Variants in PDZRN4 observed in about 807,000 individuals in gnomAD.
PDZRN4 encodes PDZ domain containing ring finger 4.
Under a neutral mutation model 99.0 loss-of-function variants are expected in PDZRN4, and 70 were observed. The ratio of observed to expected loss-of-function variants is 0.71; its 90% CI spans 0.58 to 0.86. The LOEUF (loss-of-function observed/expected upper bound fraction) is 0.86, where lower values mean the gene tolerates loss of function less well. Among genes scored for constraint, PDZRN4 ranks in the 40% least tolerant of loss-of-function variants. The pLI is 0.00. For missense variants in PDZRN4, 1,474 were observed against 1,331.2 expected (o/e 1.11, Z -1.67); for synonymous variants, 551 against 501.6 (o/e 1.10, Z -1.32).
intron 3 of PDZRN4, among the ~76,000 whole-genome samples, chr12:41,404,827 TACGCTTACA>T (rs1952332636): frequency 6.7e-6 from 1 of 149,192 alleles, no homozygotes; most frequent in Non-Finnish European, 1.5e-5. Context: ...AATGAAGTCA[TACGCTTACA>T]TCTAATCTTC....
intron 4 of PDZRN4, chr12:41,509,578 C>G (rs1938270309): frequency 6.5e-6 from 2 of 307,962 alleles, no homozygotes; most frequent in Admixed American, 9.6e-5. Context: ...GAATACAACT[C>G]TGACCATAGG....
intron 3 of PDZRN4, among the ~76,000 whole-genome samples, chr12:41,301,287 T>C (rs1951533985): frequency 6.6e-6 from 1 of 152,076 alleles, no homozygotes; most frequent in Admixed American, 6.6e-5. Flanking sequence ...GGATTTCTAG[T>C]GTTTTACATT....
chr12:41,191,949 A>AT (rs1290456848), intron 2 of PDZRN4, among the ~76,000 whole-genome samples: 1 of 151,002 alleles, frequency 6.6e-6, no homozygotes. Context: ...CACCCGGCTA[A>AT]TTTTTTGTAT....
At chr12:41,391,660 A>T (rs374598595) in intron 3 of PDZRN4, among the ~76,000 whole-genome samples, 3 of 152,220 alleles carry the variant, frequency 2.0e-5, no homozygotes, top group South Asian at 2.1e-4. Flanking sequence ...AATATGAGGG[A>T]AAATGGAGTC....
rs1378207692 is a variant in PDZRN4, at chr12:41,574,655, A to G, written c.*765A>G. ...AGTTATAAAGTAGTTATATGTGTAT[A>G]CTATTTAGAAGACGCCTAATTGTGG... On this transcript the variant is annotated 3_prime_UTR_variant, in exon 10 of 10. Coordinates refer to ENST00000402685, the MANE Select transcript of PDZRN4 (RefSeq NM_001164595.2). The G allele has an allele frequency of 6.6e-6, 1 of 152,444 alleles. No individual in the cohort carries two copies. The highest frequency in any genetic ancestry group is 2.4e-5 in the African/African-American group (1 of 41,472). 9.4% of individuals were successfully genotyped at this position (152,444 alleles called of 1,614,324 possible).
At chr12:41,351,822 A>G (rs992705039) in intron 3 of PDZRN4, among the ~76,000 whole-genome samples, 5 of 151,972 alleles carry the variant, frequency 3.3e-5, no homozygotes, top group Non-Finnish European at 5.9e-5. Flanking sequence ...AAACAGGTGT[A>G]TTGAAGTAGG....
rs1217276164 is a variant in PDZRN4 at position 41,194,180 on chromosome 12, A to G, written c.835A>G (p.Ile279Val). ...AGATGGCCTGGAGATTCATGACAAA[A>G]TCATGGAGGTAAGACAATGATAAAA... ...RADGLEIHDK[I>V]MEVNGKDLSK... Residue 279 changes from isoleucine to valine, a missense_variant, in exon 3 of 10, where the codon ATC (isoleucine) becomes GTC (valine). Coordinates refer to ENST00000402685, the MANE Select transcript of PDZRN4 (RefSeq NM_001164595.2). 1 of 1,419,342 alleles carries G rather than the reference A, an allele frequency of 7.0e-7. No individual in the cohort carries two copies. 87.9% of individuals were successfully genotyped at this position (1,419,342 alleles called of 1,614,324 possible). A position where few individuals can be genotyped will look rare whatever the true frequency, so the allele number is the denominator to read the frequency against.
At position 41,551,673 on chromosome 12, in the gene PDZRN4, T is replaced by C. The variant is rs532388474; in HGVS notation, c.1204-983T>C. On this transcript the variant is annotated intron_variant, in intron 5 of 9. Coordinates refer to ENST00000402685, the MANE Select transcript of PDZRN4 (RefSeq NM_001164595.2). ...TCCCACAGAGCCTGAGTGCTAGAAATTGATCCAGACTTCACTTCTAATTTA... is the reference window on the plus strand; with the variant it reads ...TCCCACAGAGCCTGAGTGCTAGAAACTGATCCAGACTTCACTTCTAATTTA... 2.6e-4 allele frequency among the ~76,000 whole-genome samples: 40 copies of C among 152,246 alleles called. 3 individuals are homozygous for C. The highest frequency in any genetic ancestry group is 1.7e-3 in the East Asian group (9 of 5,180).
At chr12:41,198,202 G>A (rs975444937) in intron 3 of PDZRN4, among the ~76,000 whole-genome samples, 11 of 152,100 alleles carry the variant, frequency 7.2e-5, no homozygotes, top group African/African-American at 2.4e-4. Flanking sequence ...ACAGGCGTGA[G>A]CCATAGTGCC....
intron 5 of PDZRN4, among the ~76,000 whole-genome samples, chr12:41,552,405 G>C (rs1003298773): frequency 6.6e-6 from 1 of 151,742 alleles, no homozygotes; most frequent in Admixed American, 6.6e-5. Context: ...GTTTTGCATT[G>C]ACAGCTTGAT....
chr12:41,540,864 G>A (rs893992223), intron 5 of PDZRN4, among the ~76,000 whole-genome samples: 5 of 113,274 alleles, frequency 4.4e-5, no homozygotes, highest in East Asian at 2.2e-4. Flanking sequence ...CCTTTTCTTC[G>A]TTGTTGTTGT....
At chr12:41,367,444 G>C (rs1952009180) in intron 3 of PDZRN4, among the ~76,000 whole-genome samples, 1 of 152,086 alleles carries the variant, frequency 6.6e-6, no homozygotes, top group African/African-American at 2.4e-5. Flanking sequence ...GGGAGGCAGA[G>C]GTTGTAGTGA....
At chr12:41,498,592 C>G (rs564667893) in intron 3 of PDZRN4, among the ~76,000 whole-genome samples, 2 of 152,124 alleles carry the variant, frequency 1.3e-5, no homozygotes, top group East Asian at 1.9e-4. Context: ...TTAATCCATC[C>G]GTCAGTGCAG....
At chr12:41,349,238 C>T (rs773979858) in intron 3 of PDZRN4, among the ~76,000 whole-genome samples, 36 of 151,716 alleles carry the variant, frequency 2.4e-4, no homozygotes, top group Non-Finnish European at 4.7e-4. Context: ...AGATTAACTT[C>T]TTTTCACTGT....
intron 3 of PDZRN4, among the ~76,000 whole-genome samples, chr12:41,399,301 G>A (rs1282348221): frequency 1.3e-5 from 2 of 152,132 alleles, no homozygotes; most frequent in Non-Finnish European, 2.9e-5. Context: ...AAGCATAAGA[G>A]TATTAAAATT....
chr12:41,533,779 A>G (rs892438041), intron 5 of PDZRN4, among the ~76,000 whole-genome samples: 10 of 151,930 alleles, frequency 6.6e-5, no homozygotes. Flanking sequence ...CTTTTGTTCT[A>G]TTTACACTTA....
chr12:41,326,901 C>T (rs556650805), intron 3 of PDZRN4, among the ~76,000 whole-genome samples: 1 of 152,256 alleles, frequency 6.6e-6, no homozygotes, highest in South Asian at 2.1e-4. Flanking sequence ...AGTACATGGA[C>T]AAATAAGTTC....
intron 3 of PDZRN4, among the ~76,000 whole-genome samples, chr12:41,234,030 G>A (rs1951048913): frequency 6.6e-6 from 1 of 151,560 alleles, no homozygotes; most frequent in Non-Finnish European, 1.5e-5. Flanking sequence ...AAGCAATATT[G>A]GCCCTTTGAG....
intron 3 of PDZRN4, among the ~76,000 whole-genome samples, chr12:41,422,554 T>C (rs1488505195): frequency 6.6e-6 from 1 of 152,074 alleles, no homozygotes; most frequent in Admixed American, 6.6e-5. Flanking sequence ...CATTGGAAGG[T>C]GAAGGGGAAG....
Sources: allele counts gnomAD v4.1 joint callset (sites outside exome capture counted in the v4.1 genomes callset), GRCh38; gene constraint gnomAD v4.1.1; transcripts MANE v1.5; gene names NCBI Gene and HGNC (gene_info 2026-07-23, HGNC 2026-07-21).